Variants in LTBP1 observed in about 807,000 individuals in gnomAD.
LTBP1 encodes latent-transforming growth factor beta-binding protein 1.
Under a neutral mutation model 207.6 loss-of-function variants are expected in LTBP1, and 129 were observed. That is an observed-to-expected ratio of 0.62 (90% CI 0.54 to 0.72). The LOEUF is 0.72. Ranked by LOEUF, LTBP1 falls within the 30% of genes least tolerant of loss-of-function variation. LTBP1 has a pLI of 0.00. For missense variants in LTBP1, 2,281 were observed against 2,217.2 expected, an observed-to-expected ratio of 1.03 and a Z score of -0.58; for synonymous variants, 963 against 833.7, an observed-to-expected ratio of 1.16 and a Z score of -2.67.
At chr2:33,393,017 A>G (rs2095328124) in intron 32 of LTBP1, among the ~76,000 whole-genome samples, 2 of 151,766 alleles carry the variant, frequency 1.3e-5, no homozygotes, top group African/African-American at 4.8e-5. Flanking sequence ...TGGGCCTGCC[A>G]TGGATGTATT....
intron 24 of LTBP1, among the ~76,000 whole-genome samples, chr2:33,318,824 A>G (rs2094311240): frequency 6.6e-6 from 1 of 152,248 alleles, no homozygotes; most frequent in Admixed American, 6.5e-5. Flanking sequence ...GCAAAAAATC[A>G]TAATTCTTTT....
chr2:33,231,116 A>G (rs1290660201), intron 9 of LTBP1, among the ~76,000 whole-genome samples: 1 of 152,190 alleles, frequency 6.6e-6, no homozygotes, highest in Non-Finnish European at 1.5e-5. Context: ...TGCCCTTAGA[A>G]TTTAGTGTAA....
intron 3 of LTBP1, among the ~76,000 whole-genome samples, chr2:33,057,826 A>G (rs923108304): frequency 6.6e-6 from 1 of 152,204 alleles, no homozygotes; most frequent in Admixed American, 6.5e-5. Flanking sequence ...ACCTCCCCGC[A>G]AGCCGAGGGA....
At chr2:33,221,282 T>C (rs532657977) in intron 8 of LTBP1, among the ~76,000 whole-genome samples, 1 of 152,286 alleles carries the variant, frequency 6.6e-6, no homozygotes, top group East Asian at 1.9e-4. Context: ...CCTCATTGTA[T>C]AGAATTTCTG....
chr2:33,227,860 A>T (rs918431902), intron 9 of LTBP1, among the ~76,000 whole-genome samples: 1 of 122,762 alleles, frequency 8.1e-6, no homozygotes. Flanking sequence ...GCTGGAGTGC[A>T]GTGGCATAAT....
At chr2:33,235,019 G>A (rs974547004) in intron 9 of LTBP1, among the ~76,000 whole-genome samples, 2 of 152,180 alleles carry the variant, frequency 1.3e-5, no homozygotes, top group East Asian at 1.9e-4. Flanking sequence ...AACACCAAAA[G>A]CAATGGCAAA....
chr2:33,206,738 CAAAAAAA>C (rs367575248), intron 7 of LTBP1, among the ~76,000 whole-genome samples: 1 of 91,106 alleles, frequency 1.1e-5, no homozygotes, highest in African/African-American at 3.5e-5. Context: ...GACTCCATTT[CAAAAAAA>C]AAAAAAAAAG....
chr2:33,375,537 GTTTA>G (rs2095126779), intron 31 of LTBP1, among the ~76,000 whole-genome samples: 1 of 151,852 alleles, frequency 6.6e-6, no homozygotes, highest in Admixed American at 6.6e-5. Context: ...TTGTTTGTTT[GTTTA>G]TTTTGAGACG....
chr2:33,058,202 A>G (rs889171779), intron 3 of LTBP1, among the ~76,000 whole-genome samples: 1 of 152,242 alleles, frequency 6.6e-6, no homozygotes, highest in Non-Finnish European at 1.5e-5. Context: ...AGTATATAGA[A>G]ATTCATTAAT....
chr2:33,027,501 T>G (rs990487105), intron 3 of LTBP1, among the ~76,000 whole-genome samples: 1 of 152,152 alleles, frequency 6.6e-6, no homozygotes, highest in Non-Finnish European at 1.5e-5. Flanking sequence ...TTTGACCATT[T>G]TTTGGTTCTT....
chr2:33,168,441 G>A (rs972241323), intron 5 of LTBP1, among the ~76,000 whole-genome samples: 1 of 151,450 alleles, frequency 6.6e-6, no homozygotes, highest in African/African-American at 2.4e-5. Context: ...AAGAAAATGG[G>A]TGTTGTGTAA....
At chr2:33,195,839 C>T (rs904990938) in intron 7 of LTBP1, among the ~76,000 whole-genome samples, 7 of 152,158 alleles carry the variant, frequency 4.6e-5, no homozygotes, top group African/African-American at 1.7e-4. Context: ...GCAGACTTCA[C>T]TGTTGTCTTA....
intron 3 of LTBP1, among the ~76,000 whole-genome samples, chr2:33,046,065 G>A (rs1239965569): frequency 6.6e-6 from 1 of 152,144 alleles, no homozygotes; most frequent in Non-Finnish European, 1.5e-5. Flanking sequence ...TGCAAATGGA[G>A]ACAATTTGAC....
chr2:32,992,189 C>T (rs1684519661), intron 2 of LTBP1, among the ~76,000 whole-genome samples: 1 of 152,152 alleles, frequency 6.6e-6, no homozygotes, highest in Non-Finnish European at 1.5e-5. Flanking sequence ...GACTTGGTTC[C>T]TGCCATCCAA....
intron 19 of LTBP1, among the ~76,000 whole-genome samples, chr2:33,289,193 A>C (rs1165461227): frequency 2.0e-5 from 3 of 152,164 alleles, no homozygotes; most frequent in African/African-American, 7.2e-5. Context: ...ATAGGATTGT[A>C]AGATGGATGC....
chr2:33,068,269 T>G (rs897044367), intron 3 of LTBP1, among the ~76,000 whole-genome samples: 2 of 152,036 alleles, frequency 1.3e-5, no homozygotes, highest in African/African-American at 4.8e-5. Flanking sequence ...TTTTTTTTTT[T>G]AAACAATAAA....
At chr2:33,249,705 T>C (rs1326535710) in intron 10 of LTBP1, among the ~76,000 whole-genome samples, 31 of 152,204 alleles carry the variant, frequency 2.0e-4, no homozygotes, top group Admixed American at 2.0e-3. Context: ...TTTATGCTTC[T>C]GAAGTGCTTT....
chr2:33,326,323 T>G (rs1366583696), intron 24 of LTBP1, among the ~76,000 whole-genome samples: 2 of 152,200 alleles, frequency 1.3e-5, no homozygotes, highest in Non-Finnish European at 2.9e-5. Context: ...ACTGCGTGTT[T>G]GCAAAGCTGT....
intron 24 of LTBP1, among the ~76,000 whole-genome samples, chr2:33,315,673 G>A (rs1033424870): frequency 1.3e-5 from 2 of 152,096 alleles, no homozygotes; most frequent in African/African-American, 2.4e-5. Flanking sequence ...GGCTGGGTGC[G>A]GTGGCTCACA....
Sources: allele counts gnomAD v4.1 joint callset (sites outside exome capture counted in the v4.1 genomes callset), GRCh38; gene constraint gnomAD v4.1.1; transcripts MANE v1.5; gene names NCBI Gene and HGNC (gene_info 2026-07-23, HGNC 2026-07-21).